ROBO2: variants seen among roughly 807,000 people sequenced by gnomAD.
ROBO2 encodes the protein roundabout guidance receptor 2.
Under a neutral mutation model 160.8 loss-of-function variants are expected in ROBO2, and 53 were observed. The observed-to-expected ratio is 0.33, with a 90% CI of 0.26 to 0.41. The LOEUF (loss-of-function observed/expected upper bound fraction) is 0.41. Ranked by LOEUF, ROBO2 falls within the 10% of genes least tolerant of loss-of-function variation. The pLI, the probability that ROBO2 is intolerant of heterozygous loss-of-function variation, is 1.00. For synonymous variants in ROBO2, 664 were observed against 611.7 expected, an observed-to-expected ratio of 1.09 and a Z score of -1.26; for missense variants, 1,577 against 1,722.4, an observed-to-expected ratio of 0.92 and a Z score of 1.49.
chr3:76,127,623 A>G (rs2071042411), intron 2 of ROBO2, among the ~76,000 whole-genome samples: 1 of 151,764 alleles, frequency 6.6e-6, no homozygotes, highest in African/African-American at 2.4e-5. Context: ...TACATATACT[A>G]TCAAGACAGT....
chr3:76,428,737 T>C (rs1054045491), intron 2 of ROBO2, among the ~76,000 whole-genome samples: 2 of 152,150 alleles, frequency 1.3e-5, no homozygotes, highest in African/African-American at 4.8e-5. Flanking sequence ...GGACAGAAAA[T>C]ACTTGGGATA....
intron 2 of ROBO2, among the ~76,000 whole-genome samples, chr3:76,347,682 G>A (rs1404353944): frequency 1.3e-5 from 2 of 151,696 alleles, no homozygotes; most frequent in African/African-American, 2.4e-5. Context: ...CAAAAGGGGT[G>A]GTCATATTTC....
chr3:76,163,658 G>T (rs144538003), intron 2 of ROBO2, among the ~76,000 whole-genome samples: 1 of 151,482 alleles, frequency 6.6e-6, no homozygotes, highest in Non-Finnish European at 1.5e-5. Context: ...AGAAATTATT[G>T]TTTTTTTCAA....
At chr3:75,995,873 A>C (rs1274060010) in intron 2 of ROBO2, among the ~76,000 whole-genome samples, 2 of 152,088 alleles carry the variant, frequency 1.3e-5, no homozygotes, top group African/African-American at 4.8e-5. Context: ...TTAAGATTTA[A>C]TTACTACCTC....
intron 2 of ROBO2, among the ~76,000 whole-genome samples, chr3:76,560,727 T>A (rs1340029437): frequency 1.3e-5 from 2 of 150,830 alleles, no homozygotes; most frequent in Non-Finnish European, 3.0e-5. Flanking sequence ...TTCTAAGGCT[T>A]TTCTTCAAGT....
intron 2 of ROBO2, among the ~76,000 whole-genome samples, chr3:76,396,929 C>T (rs2077491571): frequency 6.6e-6 from 1 of 152,152 alleles, no homozygotes; most frequent in Non-Finnish European, 1.5e-5. Context: ...ATGCCATCCC[C>T]ATCAAGCTAC....
intron 2 of ROBO2, among the ~76,000 whole-genome samples, chr3:76,265,650 A>C (rs991991555): frequency 6.6e-6 from 1 of 152,182 alleles, no homozygotes; most frequent in East Asian, 1.9e-4. Context: ...CATTACAGTA[A>C]GTTCGTGAGA....
intron 2 of ROBO2, among the ~76,000 whole-genome samples, chr3:76,414,741 A>G (rs975070675): frequency 1.0e-4 from 15 of 149,646 alleles, no homozygotes; most frequent in African/African-American, 2.8e-4. Flanking sequence ...CAATGTGCAC[A>G]TGTACCCTAA....
intron 2 of ROBO2, among the ~76,000 whole-genome samples, chr3:76,274,304 C>G (rs1420440837): frequency 2.6e-5 from 4 of 151,420 alleles, no homozygotes; most frequent in African/African-American, 9.7e-5. Context: ...ACATATGTAA[C>G]TAACCTGCAC....
At chr3:77,457,953 A>C (rs905356226) in intron 2 of ROBO2, among the ~76,000 whole-genome samples, 7 of 152,208 alleles carry the variant, frequency 4.6e-5, no homozygotes, top group African/African-American at 1.7e-4. Context: ...ATACTTTATA[A>C]GAGACTATAT....
chr3:77,066,370 T>C (rs2066839427), intron 1 of ROBO2, among the ~76,000 whole-genome samples: 1 of 152,208 alleles, frequency 6.6e-6, no homozygotes, highest in African/African-American at 2.4e-5. Flanking sequence ...AAGACATTGG[T>C]AATAATAACT....
At chr3:76,865,630 C>T (rs1251878499) in intron 2 of ROBO2, among the ~76,000 whole-genome samples, 2 of 152,058 alleles carry the variant, frequency 1.3e-5, no homozygotes, top group African/African-American at 4.8e-5. Flanking sequence ...ACTGACCTCA[C>T]CATTTATTCC....
intron 2 of ROBO2, among the ~76,000 whole-genome samples, chr3:76,540,661 A>G (rs1039128044): frequency 6.6e-6 from 1 of 152,188 alleles, no homozygotes; most frequent in African/African-American, 2.4e-5. Flanking sequence ...AGTGAACACT[A>G]TTCTTCCCTT....
intron 2 of ROBO2, among the ~76,000 whole-genome samples, chr3:76,083,512 C>T (rs924746786): frequency 6.6e-6 from 1 of 152,048 alleles, no homozygotes; most frequent in African/African-American, 2.4e-5. Flanking sequence ...AAAAAAAATA[C>T]ACTTTTTGCT....
chr3:77,491,679 T>C (rs1275302529), intron 4 of ROBO2, among the ~76,000 whole-genome samples: 2 of 152,226 alleles, frequency 1.3e-5, no homozygotes, highest in Non-Finnish European at 2.9e-5. Context: ...CTAAAATCTT[T>C]AGATGCAACC....
At chr3:76,762,921 A>G (rs981711559) in intron 2 of ROBO2, among the ~76,000 whole-genome samples, 53 of 151,812 alleles carry the variant, frequency 3.5e-4, no homozygotes, top group African/African-American at 1.3e-3. Context: ...TTCATATCAG[A>G]AGGAGTATTG....
intron 2 of ROBO2, among the ~76,000 whole-genome samples, chr3:76,203,231 G>A (rs2107266602): frequency 6.6e-6 from 1 of 152,256 alleles, no homozygotes; most frequent in East Asian, 1.9e-4. Context: ...CTCCATCAAT[G>A]GCCTTCCAGT....
At chr3:76,315,478 A>G (rs1013684076) in intron 2 of ROBO2, among the ~76,000 whole-genome samples, 2 of 152,174 alleles carry the variant, frequency 1.3e-5, no homozygotes, top group Non-Finnish European at 2.9e-5. Flanking sequence ...TTCATGGTGC[A>G]TTGAAGCGCT....
exon 19 of ROBO2, chr3:77,596,737 T>A: frequency 6.2e-7 from 1 of 1,613,580 alleles, no homozygotes; most frequent in Non-Finnish European, 8.5e-7. Context: ...AGATTGGAAA[T>A]TTTGGCCGTG....
Sources: allele counts gnomAD v4.1 joint callset (sites outside exome capture counted in the v4.1 genomes callset), GRCh38; gene constraint gnomAD v4.1.1; transcripts MANE v1.5; gene names NCBI Gene and HGNC (gene_info 2026-07-23, HGNC 2026-07-21).